The following KCNH8 variants were observed in gnomAD, a reference collection of about 807,000 sequenced individuals.
KCNH8 encodes potassium voltage-gated channel subfamily H member 8.
Under a neutral mutation model 103.6 loss-of-function variants are expected in KCNH8, and 70 were observed. That is an observed-to-expected ratio of 0.68 (90% CI 0.56 to 0.82). The LOEUF is 0.82. Ranked by LOEUF, KCNH8 falls within the 40% of genes least tolerant of loss-of-function variation. The probability of loss-of-function intolerance (pLI) is 0.00; values close to 1 mark genes in which losing one functional copy is unlikely to be tolerated. For missense variants in KCNH8, 1,217 were observed against 1,329.9 expected (o/e 0.92, Z 1.32); for synonymous variants, 498 against 489.4 (o/e 1.02, Z -0.23).
At chr3:19,473,848 A>G (rs371661179) in intron 11 of KCNH8, among the ~76,000 whole-genome samples, 6 of 152,192 alleles carry the variant, frequency 3.9e-5, no homozygotes, top group Admixed American at 3.9e-4. Context: ...TTAGATTTTC[A>G]TTCACATTTT....
chr3:19,230,607 T>A (rs2063983137), intron 1 of KCNH8, among the ~76,000 whole-genome samples: 1 of 152,224 alleles, frequency 6.6e-6, no homozygotes, highest in South Asian at 2.1e-4. Flanking sequence ...ACCAAAGCTG[T>A]ACCTTAAAAA....
chr3:19,505,331 G>A (rs1360571971), intron 11 of KCNH8, among the ~76,000 whole-genome samples: 1 of 151,844 alleles, frequency 6.6e-6, no homozygotes, highest in African/African-American at 2.4e-5. Context: ...GGAGGGAGAG[G>A]ATCAGAAAAT....
At chr3:19,379,538 G>T (rs563388312) in intron 5 of KCNH8, among the ~76,000 whole-genome samples, 31 of 152,184 alleles carry the variant, frequency 2.0e-4, no homozygotes, top group Non-Finnish European at 3.7e-4. Flanking sequence ...TGCTTGGGAG[G>T]CTGAGGCAGG....
chr3:19,323,639 C>G (rs1259507847), intron 3 of KCNH8, among the ~76,000 whole-genome samples: 1 of 152,078 alleles, frequency 6.6e-6, no homozygotes, highest in Non-Finnish European at 1.5e-5. Context: ...GACTATGTCA[C>G]AGGGAAGATC....
chr3:19,239,751 CTTAG>C (rs920335512), intron 1 of KCNH8, among the ~76,000 whole-genome samples: 5 of 151,954 alleles, frequency 3.3e-5, no homozygotes, highest in Admixed American at 6.6e-5. Flanking sequence ...ATGTGGCTAC[CTTAG>C]TTAGATAACT....
chr3:19,501,992 G>T (rs1332885706), intron 11 of KCNH8, among the ~76,000 whole-genome samples: 9 of 152,008 alleles, frequency 5.9e-5, no homozygotes, highest in Non-Finnish European at 1.0e-4. Flanking sequence ...GTCTCTGTTT[G>T]CAGATGACAT....
At chr3:19,262,923 T>G (rs2064456085) in intron 2 of KCNH8, among the ~76,000 whole-genome samples, 1 of 152,060 alleles carries the variant, frequency 6.6e-6, no homozygotes, top group Non-Finnish European at 1.5e-5. Flanking sequence ...GCCCTCCCAT[T>G]GATTCAAACC....
intron 1 of KCNH8, among the ~76,000 whole-genome samples, chr3:19,189,107 A>C (rs1182147824): frequency 6.6e-6 from 1 of 152,076 alleles, no homozygotes; most frequent in Non-Finnish European, 1.5e-5. Context: ...GGAATTTTAG[A>C]TGTCAGCTAA....
chr3:19,238,895 A>G (rs1402840185), intron 1 of KCNH8, among the ~76,000 whole-genome samples: 1 of 152,228 alleles, frequency 6.6e-6, no homozygotes, highest in African/African-American at 2.4e-5. Context: ...GGATGTTCCA[A>G]AATAGTAGCT....
intron 3 of KCNH8, among the ~76,000 whole-genome samples, chr3:19,333,685 A>G (rs924174906): frequency 1.3e-5 from 2 of 152,204 alleles, no homozygotes; most frequent in Non-Finnish European, 2.9e-5. Flanking sequence ...AAAAATGACA[A>G]TGTATTCCAG....
At chr3:19,253,515 G>C (rs2064305314) in intron 1 of KCNH8, 139 bp from the exon 2 acceptor site, 1 of 677,788 alleles carries the variant, frequency 1.5e-6, no homozygotes, top group Non-Finnish European at 2.6e-6. Context: ...GTTTTGGAGT[G>C]TCTCTTTTCC....
At chr3:19,486,229 G>T (rs1244543918) in intron 11 of KCNH8, among the ~76,000 whole-genome samples, 1 of 152,236 alleles carries the variant, frequency 6.6e-6, no homozygotes, top group African/African-American at 2.4e-5. Context: ...CCTCTACACA[G>T]TTATGCTCAA....
intron 7 of KCNH8, among the ~76,000 whole-genome samples, chr3:19,402,959 C>G (rs1277970392): frequency 2.6e-5 from 4 of 151,850 alleles, no homozygotes; most frequent in Non-Finnish European, 1.5e-5. Context: ...TATAGGAAAC[C>G]AAAAGTCAGG....
At chr3:19,500,853 A>G (rs912314977) in intron 11 of KCNH8, among the ~76,000 whole-genome samples, 4 of 152,214 alleles carry the variant, frequency 2.6e-5, no homozygotes, top group African/African-American at 9.6e-5. Flanking sequence ...TGACACCCTA[A>G]CATGACAATT....
intron 8 of KCNH8, among the ~76,000 whole-genome samples, chr3:19,442,921 AT>A (rs1416276773): frequency 4.6e-5 from 7 of 152,052 alleles, no homozygotes; most frequent in Admixed American, 4.6e-4. Flanking sequence ...GAGATTATTA[AT>A]ACCCCAATTT....
chr3:19,321,566 T>C (rs1444672374), intron 3 of KCNH8, among the ~76,000 whole-genome samples: 4 of 152,014 alleles, frequency 2.6e-5, no homozygotes, highest in Non-Finnish European at 5.9e-5. Context: ...ATTTCTATTT[T>C]CTTAAATTTA....
At chr3:19,503,706 C>T (rs1174884241) in intron 11 of KCNH8, among the ~76,000 whole-genome samples, 2 of 147,780 alleles carry the variant, frequency 1.4e-5, no homozygotes, top group African/African-American at 5.0e-5. Context: ...CATATTCTCA[C>T]TCATAGGTGG....
intron 6 of KCNH8, among the ~76,000 whole-genome samples, chr3:19,393,197 G>C (rs7619551): frequency 0.75 from 113,979 of 151,862 alleles, 43,882 homozygotes; most frequent in African/African-American, 0.93. Context: ...AAAGAATCCT[G>C]TCCCTTTTTC....
intron 11 of KCNH8, among the ~76,000 whole-genome samples, chr3:19,500,016 C>A (rs1246519597): frequency 3.3e-5 from 5 of 152,094 alleles, no homozygotes; most frequent in Non-Finnish European, 7.4e-5. Flanking sequence ...AGAGTCAAGA[C>A]CCATCAGTGT....
Sources: allele counts gnomAD v4.1 joint callset (sites outside exome capture counted in the v4.1 genomes callset), GRCh38; gene constraint gnomAD v4.1.1; transcripts MANE v1.5; gene names NCBI Gene and HGNC (gene_info 2026-07-23, HGNC 2026-07-21).